The following IL18R1 variants were observed in gnomAD, a reference collection of about 807,000 sequenced individuals.
IL18R1 encodes interleukin-18 receptor 1.
A neutral mutation model predicts 48.5 loss-of-function variants in IL18R1; 40 were observed. That is an observed-to-expected ratio of 0.82 (90% CI 0.64 to 1.07). IL18R1 has a LOEUF of 1.07. Ranked by LOEUF, IL18R1 falls within the 50% of genes least tolerant of loss-of-function variation. The probability of loss-of-function intolerance (pLI) is 0.00; values close to 1 mark genes in which losing one functional copy is unlikely to be tolerated. For missense variants in IL18R1, 596 were observed against 633.7 expected (o/e 0.94, Z 0.64); for synonymous variants, 232 against 225.9 (o/e 1.03, Z -0.24).
chr2:102,376,057 G>A lies in IL18R1; in HGVS notation c.619G>A (p.Val207Met), dbSNP rs1370388694. The change falls in exon 5 of 11, where the codon GTG (valine) becomes ATG (methionine). Residue 207 changes from valine to methionine, a missense_variant. Coordinates refer to ENST00000233957, the MANE Select transcript of IL18R1 (RefSeq NM_003855.5). Reference sequence around the variant, plus strand: ...CACCAAAACCTTCAATATAACAATAGTGGAAGGTAAGGGAAATCTTAGAAT... The same window carrying A: ...CACCAAAACCTTCAATATAACAATAATGGAAGGTAAGGGAAATCTTAGAAT... The part of the protein sequence containing the change: ...NITKTFNITI[V>M]EDRSNIVPVL... The A allele has an allele frequency of 3.8e-6, 6 of 1,568,980 alleles. No homozygotes were observed. The Admixed American group carries it at 8.4e-5, about 22-fold the overall frequency.
chr2:102,389,985 G>C, intron 8 of IL18R1, 71 bp from the exon 9 acceptor site: 1 of 1,488,262 alleles, frequency 6.7e-7, no homozygotes, highest in Non-Finnish European at 9.2e-7. Context: ...AAATGGACAA[G>C]CACGTGATGA....
chr2:102,371,239 G>A (rs183824657), intron 3 of IL18R1, among the ~76,000 whole-genome samples: 16 of 152,110 alleles, frequency 1.1e-4, no homozygotes, highest in African/African-American at 2.9e-4. Context: ...TGGCCAGGCT[G>A]GTCTCAAACT....
At chr2:102,381,182 G>A (rs1679897310) in intron 5 of IL18R1, among the ~76,000 whole-genome samples, 1 of 152,224 alleles carries the variant, frequency 6.6e-6, no homozygotes, top group Admixed American at 6.5e-5. Flanking sequence ...CATCCTGCAA[G>A]GGAACGGTGG....
intron 3 of IL18R1, among the ~76,000 whole-genome samples, chr2:102,369,184 C>T (rs371603061): frequency 1.7e-5 from 1 of 57,874 alleles, no homozygotes; most frequent in African/African-American, 1.2e-4. Flanking sequence ...ACAACAAACA[C>T]CGCCCCCCCC....
At chr2:102,372,663 C>T (rs1679338479) in intron 4 of IL18R1, among the ~76,000 whole-genome samples, 1 of 150,810 alleles carries the variant, frequency 6.6e-6, no homozygotes, top group Non-Finnish European at 1.5e-5. Flanking sequence ...TATGTTTTTT[C>T]CTCTAAGAAT....
In IL18R1 at chr2:102,356,053, T is replaced by C. The variant is rs937439769; in HGVS notation, c.-376T>C. On this transcript the variant is annotated 5_prime_UTR_variant, in exon 1 of 11. Coordinates refer to ENST00000233957, the MANE Select transcript of IL18R1 (RefSeq NM_003855.5). Reference sequence around the variant, plus strand: ...TTCTACGCCAGGGAGCGCCCCAGACTGAGAGCGCCCCAGACCGCTACACTC... The same window carrying C: ...TTCTACGCCAGGGAGCGCCCCAGACCGAGAGCGCCCCAGACCGCTACACTC... The C allele has an allele frequency of 8.3e-6, 1 of 120,790 alleles. No homozygotes were observed. Among genetic ancestry groups the C allele is most frequent in the African/African-American group, 2.9e-5 (1 of 34,584 alleles). The allele number at this position is 120,790 out of a possible 1,614,324, so 7.5% of individuals were successfully genotyped here. A position where few individuals can be genotyped will look rare whatever the true frequency, so the allele number is the denominator to read the frequency against.
intron 10 of IL18R1, among the ~76,000 whole-genome samples, chr2:102,395,620 C>T (rs1680779393): frequency 6.6e-6 from 1 of 152,138 alleles, no homozygotes; most frequent in Admixed American, 6.5e-5. Flanking sequence ...TCTAAGAAGG[C>T]ATATTGTTAC....
intron 2 of IL18R1, among the ~76,000 whole-genome samples, chr2:102,367,188 G>A (rs1385716166): frequency 6.6e-6 from 1 of 152,148 alleles, no homozygotes; most frequent in African/African-American, 2.4e-5. Context: ...TTGAGAAAGA[G>A]GGAAAGTGAC....
chr2:102,396,221 C>T (rs1680816644), intron 10 of IL18R1, among the ~76,000 whole-genome samples: 1 of 152,018 alleles, frequency 6.6e-6, no homozygotes, highest in African/African-American at 2.4e-5. Context: ...CTCCGGCTTC[C>T]TTGTTTGTTA....
rs7579567 is a variant in IL18R1 at position 102,387,496 on chromosome 2, G to C, written c.949+496G>C. ...AGCAGGCCATTGATAGCCCTGATCT[G>C]TGGGCTCTTAAAGTTTTTCAGTGCT... On this transcript the variant is annotated intron_variant, in intron 8 of 10. Transcript: ENST00000233957. Among the ~76,000 whole-genome samples, 1,449 of 152,332 alleles carry C rather than the reference G, an allele frequency of 9.5e-3. 19 individuals carry two copies. The highest frequency in any genetic ancestry group is 0.032 in the African/African-American group (1,343 of 41,558).
At chr2:102,359,764 G>C (rs1329074567) in intron 1 of IL18R1, among the ~76,000 whole-genome samples, 1 of 152,206 alleles carries the variant, frequency 6.6e-6, no homozygotes, top group Admixed American at 6.5e-5. Flanking sequence ...GCATGCATCT[G>C]TCAGGTTTCA....
chr2:102,378,368 G>A lies in IL18R1; in HGVS notation c.625+2305G>A, dbSNP rs543238055. Among the ~76,000 whole-genome samples the A allele has an allele frequency of 1.3e-5, 2 of 152,212 alleles. 1 individual carries two copies. The highest frequency in any genetic ancestry group is 2.9e-5 in the Non-Finnish European group (2 of 68,050). ...CTCGTAGGGTTGGCTGACAATGACT[G>A]AGTGAGTGTGTGTACAGCTCTAGGA... On this transcript the variant is annotated intron_variant, in intron 5 of 10. Coordinates refer to ENST00000233957, the MANE Select transcript of IL18R1 (RefSeq NM_003855.5).
At chr2:102,377,181 T>C (rs1679638849) in intron 5 of IL18R1, among the ~76,000 whole-genome samples, 1 of 152,224 alleles carries the variant, frequency 6.6e-6, no homozygotes, top group Non-Finnish European at 1.5e-5. Context: ...TACAACCATA[T>C]AGCTATATAC....
intron 9 of IL18R1, among the ~76,000 whole-genome samples, chr2:102,391,260 A>G (rs1680555452): frequency 6.6e-6 from 1 of 152,160 alleles, no homozygotes; most frequent in African/African-American, 2.4e-5. Context: ...TCCTGGATCT[A>G]TGATTCCCAC....
chr2:102,358,436 A>G (rs1366684867), intron 1 of IL18R1, among the ~76,000 whole-genome samples: 3 of 152,138 alleles, frequency 2.0e-5, no homozygotes, highest in Non-Finnish European at 2.9e-5. Flanking sequence ...TTTCATTTAG[A>G]GAAAACTTCA....
intron 8 of IL18R1, among the ~76,000 whole-genome samples, chr2:102,388,792 TC>T (rs1420899308): frequency 7.2e-5 from 11 of 152,288 alleles, no homozygotes; most frequent in Middle Eastern, 3.4e-3. Flanking sequence ...CTGAGTCTGC[TC>T]AGAGTTCACT....
At position 102,357,218 on chromosome 2, in the gene IL18R1, A is replaced by G. The variant is rs558426645; in HGVS notation, c.-29+818A>G. On this transcript the variant is annotated intron_variant, in intron 1 of 10. Coordinates refer to ENST00000233957, the MANE Select transcript of IL18R1 (RefSeq NM_003855.5). ...CTAAGGCTAAGGCCTAGGAATGTGG[A>G]TTGAAAAGGCAGGGTCTAAATCCCA... 2.6e-5 allele frequency among the ~76,000 whole-genome samples: 4 copies of G among 152,236 alleles called. No homozygotes were observed. The East Asian group carries it at 5.8e-4, about 22-fold the overall frequency.
intron 7 of IL18R1, among the ~76,000 whole-genome samples, chr2:102,385,329 A>T (rs2105106019): frequency 6.6e-6 from 1 of 152,322 alleles, no homozygotes; most frequent in South Asian, 2.1e-4. Context: ...GCAGTTGCCT[A>T]GGCCAAGCTT....
chr2:102,387,148 G>A, intron 8 of IL18R1, 148 bp downstream of exon 8: 2 of 770,280 alleles, frequency 2.6e-6, no homozygotes, highest in Non-Finnish European at 4.2e-6. Flanking sequence ...CATTCAGTGG[G>A]GCCCCTCTGT....
Sources: gnomAD v4.1 joint callset for allele counts (sites outside exome capture counted in the v4.1 genomes callset) on GRCh38, gnomAD v4.1.1 for gene constraint, MANE v1.5 for transcripts, NCBI Gene and HGNC (gene_info 2026-07-23, HGNC 2026-07-21) for gene names.